The following TBC1D30 variants were observed in gnomAD, a reference collection of about 807,000 sequenced individuals.
TBC1D30 encodes the protein TBC1 domain family, member 30.
In TBC1D30, 31 loss-of-function variants were observed where a neutral mutation model predicts 63.2. The ratio of observed to expected loss-of-function variants is 0.49; its 90% CI spans 0.37 to 0.66. The LOEUF is 0.66. TBC1D30 is among the 30% of genes least tolerant of loss of function. The pLI, the probability that TBC1D30 is intolerant of heterozygous loss-of-function variation, is 0.00. For synonymous variants in TBC1D30, 307 were observed against 361.5 expected (o/e 0.85, Z 1.71); for missense variants, 810 against 953.6 (o/e 0.85, Z 1.98).
Position 64,866,831 on chromosome 12 carries a change from G to A in TBC1D30, c.1219G>A (p.Ala407Thr). The A allele has an allele frequency of 6.5e-7, 1 of 1,536,472 alleles. No homozygotes were observed. Among genetic ancestry groups the A allele is most frequent in the Non-Finnish European group, 8.7e-7 (1 of 1,146,990 alleles). The change falls in exon 10 of 12, where the codon GCA becomes ACA. Residue 407 changes from alanine to threonine, a missense_variant. Around this residue, in one of 4 missense-constraint regions of TBC1D30, gnomAD observed 450 missense variants for 473.0 expected, o/e 0.95. Transcript: ENST00000539867. The stretch of plus-strand genomic sequence containing the variant: ...AGACGATGAGGATGCTGTCGTTAAT[G>A]CAGTGGGGTGTCTTGGACCTTTTAG... ...DPDDEDAVVN[A>T]VGCLGPFSGF...
intron 4 of TBC1D30, among the ~76,000 whole-genome samples, chr12:64,831,319 G>T (rs1189347155): frequency 1.3e-5 from 2 of 152,108 alleles, no homozygotes; most frequent in Non-Finnish European, 2.9e-5. Flanking sequence ...GTACTAAAAA[G>T]CCTTTGCATT....
At chr12:64,871,019 C>T (rs898722113) in intron 11 of TBC1D30, among the ~76,000 whole-genome samples, 6 of 151,932 alleles carry the variant, frequency 3.9e-5, no homozygotes, top group South Asian at 2.1e-4. Flanking sequence ...CTTTTTAGGC[C>T]CCAAGGACCA....
chr12:64,772,596 A>G (rs1256302681), intron 1 of TBC1D30, among the ~76,000 whole-genome samples: 2 of 151,978 alleles, frequency 1.3e-5, no homozygotes, highest in African/African-American at 4.8e-5. Context: ...TGCCTAGCTC[A>G]TTTTTGTATT....
intron 1 of TBC1D30, among the ~76,000 whole-genome samples, chr12:64,773,281 C>G (rs542764971): frequency 6.6e-6 from 1 of 151,994 alleles, no homozygotes; most frequent in Admixed American, 6.6e-5. Context: ...GACCTCTCAA[C>G]TGGGGCCTCC....
At chr12:64,799,602 C>T (rs1476562891) in intron 2 of TBC1D30, among the ~76,000 whole-genome samples, 2 of 152,182 alleles carry the variant, frequency 1.3e-5, no homozygotes, top group African/African-American at 4.8e-5. Context: ...TTTAACTCTT[C>T]GGGAAAGGAT....
Position 64,878,356 on chromosome 12 carries a change from A to G in TBC1D30, c.*2568A>G, listed in dbSNP as rs1879233721. The G allele has an allele frequency of 2.2e-6, 1 of 445,236 alleles. No individual in the cohort carries two copies. Among genetic ancestry groups the G allele is most frequent in the African/African-American group, 2.0e-5 (1 of 49,796 alleles). 27.6% of individuals were successfully genotyped at this position (445,236 alleles called of 1,614,324 possible). On this transcript the variant is annotated 3_prime_UTR_variant, in exon 12 of 12. Transcript: ENST00000539867. The stretch of plus-strand genomic sequence containing the variant: ...TTGCTATCTTCCCTATGTATTGGAC[A>G]CTGTATGCAAACACCAGAAGTACTT...
chr12:64,814,797 C>T (rs1462350996), intron 2 of TBC1D30, among the ~76,000 whole-genome samples: 3 of 152,320 alleles, frequency 2.0e-5, no homozygotes, highest in South Asian at 2.1e-4. Flanking sequence ...TGTCTGCTTC[C>T]TTAGGAGTAT....
At chr12:64,860,972 C>T (rs551584172) in intron 8 of TBC1D30, among the ~76,000 whole-genome samples, 5 of 152,186 alleles carry the variant, frequency 3.3e-5, no homozygotes, top group Non-Finnish European at 5.9e-5. Flanking sequence ...ACAGTTTAAA[C>T]GTTGCCAGAA....
At chr12:64,777,562 A>G (rs1017576131), upstream of TBC1D30, among the ~76,000 whole-genome samples, 65 of 152,328 alleles carry the variant, frequency 4.3e-4, no homozygotes, top group African/African-American at 1.5e-3. Context: ...GAGGTAAAAG[A>G]TCTCTACAAG....
At chr12:64,850,876 AGAATTTGGCTGT>A (rs1034863731) in intron 8 of TBC1D30, among the ~76,000 whole-genome samples, 98 of 152,288 alleles carry the variant, frequency 6.4e-4, no homozygotes, top group African/African-American at 2.2e-3. Flanking sequence ...TACCTCTAGT[AGAATTTGGCTGT>A]GAATCCATCT....
chr12:64,795,589 A>G (rs1055755262), intron 2 of TBC1D30, among the ~76,000 whole-genome samples: 3 of 152,130 alleles, frequency 2.0e-5, no homozygotes, highest in Non-Finnish European at 4.4e-5. Flanking sequence ...GTAGTATAAC[A>G]TAAGTTGGAT....
intron 8 of TBC1D30, among the ~76,000 whole-genome samples, chr12:64,859,331 T>A (rs907210712): frequency 7.9e-5 from 12 of 152,086 alleles, no homozygotes; most frequent in Admixed American, 6.6e-5. Context: ...AGGTCAGTGA[T>A]TGAGAGATTG....
At chr12:64,869,205 T>A (rs1044155690) in intron 10 of TBC1D30, among the ~76,000 whole-genome samples, 7 of 152,212 alleles carry the variant, frequency 4.6e-5, no homozygotes, top group African/African-American at 1.7e-4. Context: ...ACCTCTGTGT[T>A]CTCTTTGCCA....
Position 64,880,153 on chromosome 12 carries a change from G to C in TBC1D30, c.*4365G>C, listed in dbSNP as rs940493266. The C allele has an allele frequency of 6.6e-6, 1 of 152,240 alleles. No individual in the cohort carries two copies. Among genetic ancestry groups the C allele is most frequent in the Admixed American group, 6.5e-5 (1 of 15,278 alleles). The allele number at this position is 152,240 out of a possible 1,614,324, so 9.4% of individuals were successfully genotyped here. A position where few individuals can be genotyped will look rare whatever the true frequency, so the allele number is the denominator to read the frequency against. On this transcript the variant is annotated 3_prime_UTR_variant, in exon 12 of 12. Coordinates refer to ENST00000539867, the MANE Select transcript of TBC1D30 (RefSeq NM_015279.2). ...AAGTCTACAGTCATAGAGCCACCAGGATACAGTGATGGATGGGAGGCCTTT... is the reference window on the plus strand; with the variant it reads ...AAGTCTACAGTCATAGAGCCACCAGCATACAGTGATGGATGGGAGGCCTTT...
intron 2 of TBC1D30, among the ~76,000 whole-genome samples, chr12:64,810,835 T>G (rs1873173636): frequency 6.6e-6 from 1 of 152,230 alleles, no homozygotes; most frequent in Non-Finnish European, 1.5e-5. Context: ...TCTACTAATC[T>G]GTTCTGTTGC....
At chr12:64,820,852 G>A (rs898574476), upstream of TBC1D30, among the ~76,000 whole-genome samples, 4 of 152,200 alleles carry the variant, frequency 2.6e-5, no homozygotes, top group South Asian at 2.1e-4. Context: ...GTAATTATCT[G>A]TTTGCTATAA....
intron 1 of TBC1D30, among the ~76,000 whole-genome samples, chr12:64,768,895 G>A (rs1870807372): frequency 6.6e-6 from 1 of 152,144 alleles, no homozygotes; most frequent in South Asian, 2.1e-4. Context: ...GGTGGCTCAT[G>A]ACTGTAATCC....
At chr12:64,853,212 A>C (rs1877021669) in intron 8 of TBC1D30, among the ~76,000 whole-genome samples, 1 of 151,984 alleles carries the variant, frequency 6.6e-6, no homozygotes, top group Non-Finnish European at 1.5e-5. Flanking sequence ...GTAGAGAAGC[A>C]CTCTAGCGAC....
intron 2 of TBC1D30, among the ~76,000 whole-genome samples, chr12:64,813,867 AC>A (rs1873364774): frequency 6.6e-6 from 1 of 152,154 alleles, no homozygotes; most frequent in South Asian, 2.1e-4. Flanking sequence ...TCAAATGTGC[AC>A]GGAGCCCCAT....
Sources: allele counts gnomAD v4.1 joint callset (sites outside exome capture counted in the v4.1 genomes callset), GRCh38; gene constraint gnomAD v4.1.1; regional missense constraint gnomAD v4.1.1; transcripts MANE v1.5; gene names NCBI Gene and HGNC (gene_info 2026-07-23, HGNC 2026-07-21).